TIA1: variants seen among roughly 807,000 people sequenced by gnomAD.
The protein encoded by TIA1 is cytotoxic granule associated RNA binding protein TIA1.
A neutral mutation model predicts 65.9 loss-of-function variants in TIA1; 23 were observed. The ratio of observed to expected loss-of-function variants is 0.35; its 90% confidence interval spans 0.25 to 0.49. The LOEUF is 0.49. Ranked by LOEUF, TIA1 falls within the 20% of genes least tolerant of loss-of-function variation. The pLI is 0.98. For synonymous variants in TIA1, 147 were observed against 149.4 expected (o/e 0.98, Z 0.12); for missense variants, 371 against 477.9 (o/e 0.78, Z 2.09).
chr2:70,248,456 C>A lies in TIA1; in HGVS notation c.-26G>T. 3 of 1,600,790 alleles carry A rather than the reference C, an allele frequency of 1.9e-6. No individual in the cohort carries two copies. Among genetic ancestry groups the A allele is most frequent in the Non-Finnish European group, 2.5e-6 (3 of 1,179,960 alleles). ...GGCTGCTGCTGTCGCGGCGGCGCCT[C>A]CAGGTCCAGCTCCCTGCCCTTCACT... On this transcript the variant is annotated 5_prime_UTR_variant, in exon 1 of 13. Coordinates refer to ENST00000433529, the MANE Select transcript of TIA1 (RefSeq NM_022173.4).
At chr2:70,228,563 A>G (rs1051535843) in intron 5 of TIA1, 11 of 1,104,904 alleles carry the variant, frequency 1.0e-5, no homozygotes, top group South Asian at 4.3e-5. Context: ...AAGTTTTTAA[A>G]AAAGACAATT....
chr2:70,225,818 G>C (rs1242102306), intron 6 of TIA1, among the ~76,000 whole-genome samples: 1 of 152,116 alleles, frequency 6.6e-6, no homozygotes, highest in East Asian at 1.9e-4. Context: ...TAATTTGTTA[G>C]TCTACCCTAA....
intron 7 of TIA1, among the ~76,000 whole-genome samples, chr2:70,220,240 T>A (rs2104097368): frequency 6.6e-6 from 1 of 152,140 alleles, no homozygotes; most frequent in South Asian, 2.1e-4. Context: ...AAATCCTGTC[T>A]CTACAAAAAA....
At chr2:70,244,969 AAAGGC>A (rs536925424) in intron 1 of TIA1, among the ~76,000 whole-genome samples, 9 of 152,216 alleles carry the variant, frequency 5.9e-5, no homozygotes, top group African/African-American at 1.9e-4. Flanking sequence ...GGAGCAGAAG[AAAGGC>A]AAGGCCCTCA....
chr2:70,216,337 T>C (rs753710575), intron 9 of TIA1, 45 bp from the exon 10 acceptor site: 4 of 1,582,042 alleles, frequency 2.5e-6, no homozygotes, highest in African/African-American at 1.4e-5. Context: ...CTAAGTTATA[T>C]AAAAATCCTA....
intron 7 of TIA1, among the ~76,000 whole-genome samples, chr2:70,221,021 T>G (rs1289993245): frequency 6.6e-6 from 1 of 151,852 alleles, no homozygotes; most frequent in Non-Finnish European, 1.5e-5. Flanking sequence ...ATATATATAT[T>G]TTTGAGACGG....
At chr2:70,220,556 G>C (rs1680823134) in intron 7 of TIA1, among the ~76,000 whole-genome samples, 1 of 152,116 alleles carries the variant, frequency 6.6e-6, no homozygotes, top group Non-Finnish European at 1.5e-5. Flanking sequence ...AGCAACAAAG[G>C]ATTCTTCTAC....
chr2:70,228,422 A>G, intron 5 of TIA1: 1 of 1,288,270 alleles, frequency 7.8e-7, no homozygotes, highest in Non-Finnish European at 1.0e-6. Context: ...CAGACATTAC[A>G]CCATTCAGTT....
intron 9 of TIA1, 28 bp downstream of exon 9, chr2:70,216,376 T>A: frequency 6.3e-7 from 1 of 1,593,252 alleles, no homozygotes; most frequent in Non-Finnish European, 8.5e-7. Flanking sequence ...CTTTAAAAAT[T>A]AATGCCACAC....
rs368327434 is a variant in TIA1 at position 70,210,814 on chromosome 2, G to A, written c.*1905C>T. On this transcript the variant is annotated 3_prime_UTR_variant, in exon 13 of 13. Transcript: ENST00000433529. ...TGCCCTGATCTGTAGAAGTTAACAA[G>A]GAAATAAAATTTCCAAGTATTTAAA... The A allele has an allele frequency of 4.6e-5, 7 of 152,074 alleles. No homozygotes were observed. The East Asian group carries it at 7.7e-4, about 17-fold the overall frequency. The allele number at this position is 152,074 out of a possible 1,614,324, so 9.4% of individuals were successfully genotyped here. A position where few individuals can be genotyped will look rare whatever the true frequency, so the allele number is the denominator to read the frequency against.
In TIA1 at chr2:70,212,660, C is replaced by G; in HGVS notation, c.*59G>C. 1.0e-6 allele frequency: 1 copy of G among 1,002,746 alleles called. No individual in the cohort carries two copies. The highest frequency in any genetic ancestry group is 1.6e-6 in the Non-Finnish European group (1 of 625,470). The allele number at this position is 1,002,746 out of a possible 1,614,324, so 62.1% of individuals were successfully genotyped here. A position where few individuals can be genotyped will look rare whatever the true frequency, so the allele number is the denominator to read the frequency against. On this transcript the variant is annotated 3_prime_UTR_variant, in exon 13 of 13. Coordinates refer to ENST00000433529, the MANE Select transcript of TIA1 (RefSeq NM_022173.4). ...ATTTGATAAATCTTTAAGTAAACAA[C>G]GGCTTTACTACACTCCCTGTAGCCT...
chr2:70,248,661 AC>A (rs1365476099), upstream of TIA1: 3 of 597,164 alleles, frequency 5.0e-6, no homozygotes, highest in Non-Finnish European at 8.9e-6. Flanking sequence ...CAGCAAAGTT[AC>A]CCGGGCCGCG....
At chr2:70,221,342 C>G (rs1178818428) in intron 7 of TIA1, among the ~76,000 whole-genome samples, 1 of 151,698 alleles carries the variant, frequency 6.6e-6, no homozygotes, top group Admixed American at 6.6e-5. Context: ...TGGTGGTGTA[C>G]ACCTGTGGTC....
At chr2:70,235,214 T>C (rs1354719178) in intron 2 of TIA1, among the ~76,000 whole-genome samples, 1 of 152,054 alleles carries the variant, frequency 6.6e-6, no homozygotes, top group Non-Finnish European at 1.5e-5. Context: ...TCGGGAGTTC[T>C]AAACCAGCCT....
At position 70,248,327 on chromosome 2, in the gene TIA1, C is replaced by T. The variant is rs533972640; in HGVS notation, c.26+78G>A. On this transcript the variant is annotated intron_variant, in intron 1 of 12. Coordinates refer to ENST00000433529, the MANE Select transcript of TIA1 (RefSeq NM_022173.4). ...CGCGGTGTCCACGGAGAACAATAGGCTGGGAGCGGCGCAGGGCCGAGGCCT... is the reference window on the plus strand; with the variant it reads ...CGCGGTGTCCACGGAGAACAATAGGTTGGGAGCGGCGCAGGGCCGAGGCCT... 6.6e-6 allele frequency: 10 copies of T among 1,507,512 alleles called. No individual in the cohort carries two copies. The South Asian group carries it at 1.2e-4, about 19-fold the overall frequency. The allele number at this position is 1,507,512 out of a possible 1,614,324, so 93.4% of individuals were successfully genotyped here.
At chr2:70,227,927 T>C (rs1391922732) in intron 5 of TIA1, 105 bp from the exon 6 acceptor site, 2 of 706,232 alleles carry the variant, frequency 2.8e-6, no homozygotes, top group Non-Finnish European at 4.7e-6. Flanking sequence ...TTATGGCTTA[T>C]GATAAAGTAT....
chr2:70,212,067 A>G lies in TIA1; in HGVS notation c.*652T>C, dbSNP rs1676609666. On this transcript the variant is annotated 3_prime_UTR_variant, in exon 13 of 13. Transcript: ENST00000433529. Reference sequence around the variant, plus strand: ...AATGCAATTATCAATCCATCTGAGAAAAGTTTTCAATCTAAATGAACATCA... The same window carrying G: ...AATGCAATTATCAATCCATCTGAGAGAAGTTTTCAATCTAAATGAACATCA... The G allele has an allele frequency of 6.5e-6, 1 of 152,672 alleles. No individual in the cohort carries two copies. The highest frequency in any genetic ancestry group is 1.5e-5 in the Non-Finnish European group (1 of 68,052). 9.5% of individuals were successfully genotyped at this position (152,672 alleles called of 1,614,324 possible).
At chr2:70,235,339 C>T (rs955390465) in intron 2 of TIA1, among the ~76,000 whole-genome samples, 2 of 152,048 alleles carry the variant, frequency 1.3e-5, no homozygotes, top group South Asian at 2.1e-4. Flanking sequence ...TGCTTGAACC[C>T]GGGAGGCGGA....
chr2:70,238,267 T>G (rs901854450), intron 1 of TIA1, among the ~76,000 whole-genome samples: 2 of 127,112 alleles, frequency 1.6e-5, no homozygotes, highest in Admixed American at 7.5e-5. Flanking sequence ...CAAGTTTTTT[T>G]TTTTTTTTTT....
Sources: allele counts gnomAD v4.1 joint callset (sites outside exome capture counted in the v4.1 genomes callset), GRCh38; gene constraint gnomAD v4.1.1; transcripts MANE v1.5; gene names NCBI Gene and HGNC (gene_info 2026-07-23, HGNC 2026-07-21).